TICRR: variants seen among roughly 807,000 people sequenced by gnomAD.
TICRR encodes treslin.
Under a neutral mutation model 178.1 loss-of-function variants are expected in TICRR, and 132 were observed. The observed-to-expected ratio is 0.74, with a 90% confidence interval of 0.64 to 0.86. The LOEUF is 0.86. Ranked by LOEUF, TICRR falls within the 40% of genes least tolerant of loss-of-function variation. The pLI, the probability that TICRR is intolerant of heterozygous loss-of-function variation, is 0.00. For synonymous variants in TICRR, 991 were observed against 900.7 expected, an observed-to-expected ratio of 1.10 and a Z score of -1.79; for missense variants, 2,587 against 2,334.3, an observed-to-expected ratio of 1.11 and a Z score of -2.23.
rs1276010105 is a variant in TICRR at position 89,624,437 on chromosome 15, C to T, written c.4127C>T (p.Pro1376Leu). 2.5e-6 allele frequency: 4 copies of T among 1,614,192 alleles called. No homozygotes were observed. In the South Asian group the frequency reaches 4.4e-5, roughly 18 times the overall value. ...QRATLDTVPP[P>L]PPSKVGKRCR... is the part of the protein sequence containing the mutation. ...GCTACATTGGACACCGTCCCTCCTC[C>T]ACCCCCTTCTAAAGTTGGGAAACGG... The change falls in exon 20 of 22, where the codon CCA becomes CTA. Residue 1376 changes from proline to leucine, a missense_variant. By Grantham distance (98) the Pro-to-Leu change is moderately conservative. Coordinates refer to ENST00000268138, the MANE Select transcript of TICRR (RefSeq NM_152259.4).
intron 15 of TICRR, among the ~76,000 whole-genome samples, chr15:89,610,098 T>C (rs1963235343): frequency 6.6e-6 from 1 of 152,230 alleles, no homozygotes; most frequent in African/African-American, 2.4e-5. Context: ...AAAACATACA[T>C]TGTATGATTT....
chr15:89,607,618 A>C (rs1213081970), intron 14 of TICRR, among the ~76,000 whole-genome samples: 1 of 152,186 alleles, frequency 6.6e-6, no homozygotes, highest in Non-Finnish European at 1.5e-5. Flanking sequence ...GGAGATAAGG[A>C]AACAATTTTT....
chr15:89,620,219 C>CT (rs1963402326), intron 18 of TICRR, among the ~76,000 whole-genome samples: 1 of 152,046 alleles, frequency 6.6e-6, no homozygotes. Context: ...CTTATTTTAT[C>CT]TTTTTTTGAG....
At chr15:89,610,781 T>A (rs1963244842) in intron 15 of TICRR, among the ~76,000 whole-genome samples, 1 of 152,150 alleles carries the variant, frequency 6.6e-6, no homozygotes, top group Admixed American at 6.5e-5. Flanking sequence ...ATTTAGCTGA[T>A]TTTTTGTAGT....
chr15:89,613,270 C>G (rs1210314278), intron 15 of TICRR, among the ~76,000 whole-genome samples: 1 of 152,154 alleles, frequency 6.6e-6, no homozygotes. Context: ...TGCCTTTTGT[C>G]TTTTGTTTCT....
chr15:89,611,708 ATTACC>A (rs1963259001), intron 15 of TICRR, among the ~76,000 whole-genome samples: 1 of 151,788 alleles, frequency 6.6e-6, no homozygotes, highest in Admixed American at 6.6e-5. Context: ...GATAATTTCA[ATTACC>A]TTATCTTCAC....
intron 19 of TICRR, 44 bp from the exon 20 acceptor site, chr15:89,623,579 G>A: frequency 1.3e-6 from 2 of 1,546,418 alleles, no homozygotes; most frequent in Non-Finnish European, 1.7e-6. Context: ...CAGAGATCAT[G>A]AGTTATAATA....
At chr15:89,599,150 A>G (rs527443667) in intron 7 of TICRR, among the ~76,000 whole-genome samples, 174 bp from the exon 8 acceptor site, 3 of 151,892 alleles carry the variant, frequency 2.0e-5, no homozygotes, top group Admixed American at 2.0e-4. Flanking sequence ...TGGCTCCTAC[A>G]TACTAGATGG....
intron 1 of TICRR, among the ~76,000 whole-genome samples, chr15:89,580,346 C>A (rs2141951069): frequency 6.6e-6 from 1 of 152,314 alleles, no homozygotes; most frequent in East Asian, 1.9e-4. Context: ...CTTAACCTTT[C>A]ATTTTATTAA....
At chr15:89,591,074 G>A (rs2141958048) in intron 4 of TICRR, among the ~76,000 whole-genome samples, 1 of 152,306 alleles carries the variant, frequency 6.6e-6, no homozygotes, top group South Asian at 2.1e-4. Context: ...CAGCAGAACT[G>A]TGATATTCTG....
chr15:89,583,282 A>G (rs537993002), intron 2 of TICRR, among the ~76,000 whole-genome samples: 4 of 152,368 alleles, frequency 2.6e-5, no homozygotes, highest in East Asian at 1.9e-4. Context: ...ATTGCCTCAT[A>G]GAGTAGATTG....
intron 1 of TICRR, chr15:89,582,442 A>G (rs1184016483): frequency 1.3e-5 from 6 of 448,494 alleles, no homozygotes; most frequent in Non-Finnish European, 2.4e-5. Flanking sequence ...GACAAAAAAT[A>G]TAAATGAGGT....
In TICRR at chr15:89,575,620, G is replaced by C; in HGVS notation, c.34G>C (p.Asp12His). Reference protein sequence around the residue: ...ACCHKVMLLLDTAGGAARHSR... With the variant: ...ACCHKVMLLLHTAGGAARHSR... ...CTGTCACAAAGTAATGCTGCTGCTG[G>C]ACACCGCGGGCGGCGCCGCCCGCCA... is the stretch of plus-strand genomic sequence containing the variant. The change falls in exon 1 of 22, where the codon GAC (aspartate) becomes CAC (histidine). Residue 12 changes from aspartate to histidine, a missense_variant. By Grantham distance (81) the Asp-to-His change is moderately conservative. Coordinates refer to ENST00000268138, the MANE Select transcript of TICRR (RefSeq NM_152259.4). 1 of 1,536,248 alleles carries C rather than the reference G, an allele frequency of 6.5e-7. No individual in the cohort carries two copies. Among genetic ancestry groups the C allele is most frequent in the Non-Finnish European group, 8.7e-7 (1 of 1,146,018 alleles).
rs188239233 is a variant in TICRR, at chr15:89,603,292, T to A, written c.2664+400T>A. Among the ~76,000 whole-genome samples, 24 of 152,226 alleles carry A rather than the reference T, an allele frequency of 1.6e-4. No homozygotes were observed. In the East Asian group the frequency reaches 4.4e-3, roughly 28 times the overall value. On this transcript the variant is annotated intron_variant, in intron 13 of 21. Coordinates refer to ENST00000268138, the MANE Select transcript of TICRR (RefSeq NM_152259.4). ...GTTATATTTTACTTTAATAACAAAT[T>A]TAGGCCAGGCACAGCGGCTCACACC...
intron 3 of TICRR, 89 bp downstream of exon 3, chr15:89,584,616 T>C (rs1267986748): frequency 1.5e-6 from 2 of 1,323,488 alleles, no homozygotes; most frequent in South Asian, 2.0e-5. Flanking sequence ...CTACACAATA[T>C]AGTCTTAGTA....
rs1397838703 is a variant in TICRR, at chr15:89,584,182, ATTG to A, written c.935-101_935-99del. 5 of 1,158,864 alleles carry A rather than the reference ATTG, an allele frequency of 4.3e-6. No homozygotes were observed. The African/African-American group carries it at 7.8e-5, about 18-fold the overall frequency. The allele number at this position is 1,158,864 out of a possible 1,614,324, so 71.8% of individuals were successfully genotyped here. On this transcript the variant is annotated intron_variant, in intron 2 of 21. Transcript: ENST00000268138. ...CAATTGACAACTTGATTATTTTCTT[ATTG>A]TTATTAAATCTCTTTTTAGTATCTA...
At chr15:89,576,817 GTGTGTATATATATATATATA>G (rs1567037953) in intron 1 of TICRR, among the ~76,000 whole-genome samples, 20 of 11,150 alleles carry the variant, frequency 1.8e-3, no homozygotes, top group Non-Finnish European at 3.2e-3. Flanking sequence ...GTGTATGTGT[GTGTGTATATATATATATATA>G]TATATATATA....
At chr15:89,580,603 A>G (rs1962706871) in intron 1 of TICRR, among the ~76,000 whole-genome samples, 1 of 152,250 alleles carries the variant, frequency 6.6e-6, no homozygotes, top group African/African-American at 2.4e-5. Flanking sequence ...GATAGATTAG[A>G]AGATAATGTG....
rs376699471 is a variant in TICRR at position 89,594,525 on chromosome 15, T to C, written c.1652T>C (p.Ile551Thr). The C allele has an allele frequency of 2.1e-5, 33 of 1,608,166 alleles. No individual in the cohort carries two copies. Among genetic ancestry groups the C allele is most frequent in the Non-Finnish European group, 2.8e-5 (33 of 1,177,166 alleles). ...AGAAAATCTCGTGAAGAATCCACTA[T>C]AGCTCATCAAGAAGACAGCAAAAAG... The part of the protein sequence containing the change: ...YQRKSREEST[I>T]AHQEDSKKKR... Residue 551 changes from isoleucine to threonine, a missense_variant, in exon 6 of 22, where the codon ATA becomes ACA. Ile to Thr is a moderately conservative substitution (Grantham distance 89). Transcript: ENST00000268138.
Sources: allele counts gnomAD v4.1 joint callset (sites outside exome capture counted in the v4.1 genomes callset), GRCh38; gene constraint gnomAD v4.1.1; transcripts MANE v1.5; gene names NCBI Gene and HGNC (gene_info 2026-07-23, HGNC 2026-07-21).